Variants in MPDZ observed in about 807,000 individuals in gnomAD.
MPDZ encodes the protein multiple PDZ domain crumbs cell polarity complex component.
MPDZ carries 234 observed loss-of-function variants against 239.1 expected under a neutral mutation model. The observed-to-expected ratio is 0.98, with a 90% CI of 0.88 to 1.09. The LOEUF is 1.09. Among genes scored for constraint, MPDZ ranks in the 50% least tolerant of loss-of-function variants. The pLI is 0.00. For missense variants in MPDZ, 3,175 were observed against 2,510.0 expected (o/e 1.26, Z -5.66); for synonymous variants, 1,048 against 881.3 (o/e 1.19, Z -3.35).
intron 12 of MPDZ, 141 bp downstream of exon 12, chr9:13,204,895 A>T: frequency 2.2e-6 from 1 of 459,920 alleles, no homozygotes; most frequent in East Asian, 3.6e-5. Flanking sequence ...ACATTTATAA[A>T]CAGGGATTTA....
In MPDZ at chr9:13,219,742, G is replaced by C; in HGVS notation, c.903C>G (p.His301Gln). ...GATCTGTGTCACCAATCTTTAGAAT[G>C]TGGTCTCCACTGCATAAACGCCCAT... The part of the protein sequence containing the change: ...DQHGRLCSGD[H>Q]ILKIGDTDLA... The change falls in exon 8 of 47, where the codon CAC (histidine) becomes CAG (glutamine). Residue 301 changes from histidine to glutamine, a missense_variant. By Grantham distance (24) the His-to-Gln change is conservative (BLOSUM62 0). Transcript: ENST00000319217. 1.2e-6 allele frequency: 2 copies of C among 1,612,592 alleles called. No homozygotes were observed. Among genetic ancestry groups the C allele is most frequent in the Non-Finnish European group, 1.7e-6 (2 of 1,179,116 alleles).
chr9:13,272,484 CTG>C (rs2139333865), intron 1 of MPDZ, among the ~76,000 whole-genome samples: 2 of 152,002 alleles, frequency 1.3e-5, no homozygotes, highest in South Asian at 4.2e-4. Context: ...GCCCAGAAAA[CTG>C]TGAATGTGAT....
At chr9:13,259,984 C>A (rs1970303393) in intron 1 of MPDZ, among the ~76,000 whole-genome samples, 2 of 151,836 alleles carry the variant, frequency 1.3e-5, no homozygotes, top group South Asian at 4.2e-4. Context: ...CAGGCACCTG[C>A]CACCACGCCC....
At chr9:13,170,621 G>T (rs1339335753) in intron 21 of MPDZ, among the ~76,000 whole-genome samples, 1 of 152,170 alleles carries the variant, frequency 6.6e-6, no homozygotes, top group African/African-American at 2.4e-5. Flanking sequence ...ATTTAACTCA[G>T]TGGATCACAG....
Position 13,150,657 on chromosome 9 carries a change from A to G in MPDZ, c.3484T>C (p.Leu1162=). The G allele has an allele frequency of 6.9e-7, 1 of 1,456,994 alleles. No homozygotes were observed. The highest frequency in any genetic ancestry group is 9.1e-7 in the Non-Finnish European group (1 of 1,097,984). The allele number at this position is 1,456,994 out of a possible 1,614,324, so 90.3% of individuals were successfully genotyped here. ...CGTCCACCAACAATGCTGATGCCTA[A>G]GGATTTGCTTGGTTCTCTCCAGAGT... ...VELWREPSKS[L]GISIVGGRGM... The change falls in exon 25 of 47, where the codon TTA becomes CTA. Residue 1162 remains leucine, a synonymous_variant. Transcript: ENST00000319217.
intron 1 of MPDZ, chr9:13,276,461 T>C (rs1312838219): frequency 6.6e-6 from 1 of 152,196 alleles, no homozygotes; most frequent in Admixed American, 6.5e-5. Flanking sequence ...TTGTTATAAA[T>C]ATGGGGTTGA....
chr9:13,142,453 T>G (rs866106878), intron 27 of MPDZ, among the ~76,000 whole-genome samples: 6 of 152,240 alleles, frequency 3.9e-5, no homozygotes, highest in Middle Eastern at 6.8e-3. Context: ...TAGTGACACT[T>G]TTTAAAATTT....
At chr9:13,210,798 C>T (rs1381390462) in intron 10 of MPDZ, among the ~76,000 whole-genome samples, 1 of 152,050 alleles carries the variant, frequency 6.6e-6, no homozygotes. Context: ...GTTAAAAATC[C>T]ATCATCTGTT....
chr9:13,109,399 T>A (rs751316231), intron 45 of MPDZ, among the ~76,000 whole-genome samples: 8 of 152,194 alleles, frequency 5.3e-5, no homozygotes, highest in Non-Finnish European at 7.3e-5. Flanking sequence ...CAGGGGACTA[T>A]ATTAGAATAA....
intron 1 of MPDZ, among the ~76,000 whole-genome samples, chr9:13,265,148 C>T (rs1327983328): frequency 6.6e-6 from 1 of 152,178 alleles, no homozygotes; most frequent in Non-Finnish European, 1.5e-5. Flanking sequence ...TAACTTTGTG[C>T]CACAGAATTC....
At chr9:13,121,973 G>A (rs1430521061) in intron 37 of MPDZ, 41 bp from the exon 38 acceptor site, 1 of 1,600,702 alleles carries the variant, frequency 6.2e-7, no homozygotes, top group African/African-American at 1.3e-5. Flanking sequence ...AACATGAGAA[G>A]TAAAGGAGAG....
chr9:13,233,121 C>T (rs981118578), intron 3 of MPDZ, among the ~76,000 whole-genome samples: 3 of 152,052 alleles, frequency 2.0e-5, no homozygotes, highest in Admixed American at 1.3e-4. Context: ...GACTTATAAT[C>T]GCTTTGGAAA....
intron 45 of MPDZ, among the ~76,000 whole-genome samples, 174 bp downstream of exon 45, chr9:13,109,778 C>T (rs544335378): frequency 1.3e-5 from 2 of 152,142 alleles, no homozygotes; most frequent in Non-Finnish European, 2.9e-5. Flanking sequence ...TCAGCTAAAT[C>T]CATGCCACAA....
At chr9:13,208,665 G>C (rs934319002) in intron 10 of MPDZ, among the ~76,000 whole-genome samples, 1 of 148,898 alleles carries the variant, frequency 6.7e-6, no homozygotes, top group East Asian at 2.0e-4. Flanking sequence ...AGTTTATATA[G>C]GATATATATA....
Position 13,224,543 on chromosome 9 carries a change from G to C in MPDZ, c.224C>G (p.Ala75Gly). 1 of 1,611,892 alleles carries C rather than the reference G, an allele frequency of 6.2e-7. No homozygotes were observed. Among genetic ancestry groups the C allele is most frequent in the Non-Finnish European group, 8.5e-7 (1 of 1,178,818 alleles). ...AGCTGGGCTGAGATGAGGAACGTGG[G>C]CATATTCAATATTTGAAGTTGCTGA... is the stretch of plus-strand genomic sequence containing the variant. ...ATSATSNIEYAHVPHLSPAVI... is the reference protein window; with the variant it reads ...ATSATSNIEYGHVPHLSPAVI... The change falls in exon 4 of 47, where the codon GCC becomes GGC. Residue 75 changes from alanine to glycine, a missense_variant. By Grantham distance (60) the Ala-to-Gly change is moderately conservative. Coordinates refer to ENST00000319217, the MANE Select transcript of MPDZ (RefSeq NM_001378778.1).
At position 13,175,781 on chromosome 9, in the gene MPDZ, A is replaced by G; in HGVS notation, c.3026T>C (p.Ile1009Thr). The change falls in exon 21 of 47, where the codon ATT becomes ACT. Residue 1009 changes from isoleucine (I) to threonine (T), a missense_variant. Ile to Thr is a moderately conservative substitution (Grantham distance 89, BLOSUM62 -1). Coordinates refer to ENST00000319217, the MANE Select transcript of MPDZ (RefSeq NM_001378778.1). ...GCTAGAATTGCCTTTTGCTATATTA[A>G]TAGTCCTTTCAAAAGATTCTTTAGA... is the stretch of plus-strand genomic sequence containing the variant. ...NVSKESFERTINIAKGNSSLG... is the reference protein window; with the variant it reads ...NVSKESFERTTNIAKGNSSLG... The G allele has an allele frequency of 6.4e-7, 1 of 1,572,194 alleles. No homozygotes were observed. Among genetic ancestry groups the G allele is most frequent in the Non-Finnish European group, 8.6e-7 (1 of 1,157,154 alleles).
chr9:13,216,155 C>T (rs966560786), intron 10 of MPDZ, among the ~76,000 whole-genome samples: 1 of 151,536 alleles, frequency 6.6e-6, no homozygotes, highest in East Asian at 2.0e-4. Flanking sequence ...CTGTTTCAGG[C>T]TGCAGTCTGG....
At chr9:13,229,657 G>C (rs73408226) in intron 3 of MPDZ, among the ~76,000 whole-genome samples, 7 of 151,460 alleles carry the variant, frequency 4.6e-5, no homozygotes, top group African/African-American at 1.7e-4. Context: ...AGAAATACCA[G>C]AGTAAAATCT....
At chr9:13,186,809 C>T (rs1468797625) in intron 17 of MPDZ, among the ~76,000 whole-genome samples, 1 of 151,772 alleles carries the variant, frequency 6.6e-6, no homozygotes, top group East Asian at 1.9e-4. Context: ...TGCAGAAAAA[C>T]AAAATATTAA....
Sources: gnomAD v4.1 joint callset for allele counts (sites outside exome capture counted in the v4.1 genomes callset) on GRCh38, gnomAD v4.1.1 for gene constraint, MANE v1.5 for transcripts, NCBI Gene and HGNC (gene_info 2026-07-23, HGNC 2026-07-21) for gene names.